Variants in ZNF529 observed in about 807,000 individuals in gnomAD.
The protein encoded by ZNF529 is zinc finger protein 529.
Under a neutral mutation model 10.1 loss-of-function variants are expected in ZNF529, and 11 were observed. The observed-to-expected ratio is 1.09, with a 90% CI of 0.69 to 1.81. The LOEUF (loss-of-function observed/expected upper bound fraction) is 1.81. Ranked by LOEUF, ZNF529 falls within the 40% of genes most tolerant of loss-of-function variation. The probability of loss-of-function intolerance (pLI) is 0.00; values close to 1 mark genes in which losing one functional copy is unlikely to be tolerated. For missense variants in ZNF529, 624 were observed against 666.8 expected, an observed-to-expected ratio of 0.94 and a Z score of 0.71; for synonymous variants, 204 against 215.7, an observed-to-expected ratio of 0.95 and a Z score of 0.47.
intron 1 of ZNF529, among the ~76,000 whole-genome samples, chr19:36,597,112 T>G (rs1228220803): frequency 6.6e-6 from 1 of 152,158 alleles, no homozygotes; most frequent in Non-Finnish European, 1.5e-5. Flanking sequence ...GCTCAGGCAA[T>G]GCTCCCATCT....
chr19:36,561,419 ATTGCCC>A (rs746400434), intron 2 of ZNF529, among the ~76,000 whole-genome samples: 72 of 144,752 alleles, frequency 5.0e-4, no homozygotes, highest in Non-Finnish European at 8.2e-4. Context: ...CTCTCACTGT[ATTGCCC>A]AAGCTGGAGT....
At chr19:36,549,283 C>T (rs2035173034) in intron 4 of ZNF529, among the ~76,000 whole-genome samples, 1 of 152,182 alleles carries the variant, frequency 6.6e-6, no homozygotes, top group South Asian at 2.1e-4. Context: ...TTCTCTTACA[C>T]CATTTACTTC....
At chr19:36,548,550 G>C (rs1223506064) in intron 4 of ZNF529, among the ~76,000 whole-genome samples, 1 of 152,196 alleles carries the variant, frequency 6.6e-6, no homozygotes, top group African/African-American at 2.4e-5. Context: ...TCATCACCTG[G>C]TAAGCTCATT....
At chr19:36,592,799 C>T (rs1436667047) in intron 1 of ZNF529, among the ~76,000 whole-genome samples, 1 of 152,032 alleles carries the variant, frequency 6.6e-6, no homozygotes, top group Non-Finnish European at 1.5e-5. Context: ...GCATTGTTTT[C>T]TGCTTAACAG....
intron 1 of ZNF529, among the ~76,000 whole-genome samples, chr19:36,600,939 G>T (rs1044800962): frequency 2.6e-5 from 4 of 152,130 alleles, no homozygotes; most frequent in African/African-American, 7.2e-5. Flanking sequence ...TAGGCTACAA[G>T]CAGGGTTTGG....
intron 2 of ZNF529, among the ~76,000 whole-genome samples, chr19:36,561,294 G>A (rs903770258): frequency 6.6e-6 from 1 of 152,184 alleles, no homozygotes; most frequent in African/African-American, 2.4e-5. Context: ...GGAGGGCAAA[G>A]TGGTGAACCT....
At chr19:36,563,566 C>A (rs1028288588) in intron 2 of ZNF529, among the ~76,000 whole-genome samples, 2 of 152,066 alleles carry the variant, frequency 1.3e-5, no homozygotes, top group African/African-American at 4.8e-5. Flanking sequence ...GAATAACATA[C>A]CTAAGAATAC....
chr19:36,585,775 T>G lies in ZNF529; in HGVS notation c.-41+3840A>C, dbSNP rs189152982. Among the ~76,000 whole-genome samples the G allele has an allele frequency of 4.2e-3, 646 of 152,318 alleles. 4 individuals carry two copies. The highest frequency in any genetic ancestry group is 0.015 in the African/African-American group (631 of 41,568). ...ATTGGGAGGCTGGATTTTGGTGGGA[T>G]GGAAGATAATGAGGGGACTCTGGTT... On this transcript the variant is annotated intron_variant, in intron 2 of 4. Transcript: ENST00000585960.
chr19:36,550,358 C>T (rs1424793281), intron 4 of ZNF529, among the ~76,000 whole-genome samples: 1 of 152,280 alleles, frequency 6.6e-6, no homozygotes, highest in South Asian at 2.1e-4. Context: ...GCCTGGCCAA[C>T]ATGGCGAAAC....
Position 36,547,930 on chromosome 19 carries a change from T to C in ZNF529, c.628A>G (p.Ile210Val). Reference sequence around the variant, plus strand: ...AGTTGTAACATACTGGAGTTATCTATCCCAAAGGTTTTCCAACATTGATTA... The same window carrying C: ...AGTTGTAACATACTGGAGTTATCTACCCCAAAGGTTTTCCAACATTGATTA... ...ECNQCWKTFG[I>V]DNSSMLQLNI... The change falls in exon 5 of 5, where the codon ATA (isoleucine) becomes GTA (valine). Residue 210 changes from isoleucine to valine, a missense_variant. Ile to Val is a conservative substitution (Grantham distance 29, BLOSUM62 3). Coordinates refer to ENST00000591340, the MANE Select transcript of ZNF529 (RefSeq NM_020951.5). 2.5e-6 allele frequency: 4 copies of C among 1,612,666 alleles called. No homozygotes were observed. The highest frequency in any genetic ancestry group is 3.4e-6 in the Non-Finnish European group (4 of 1,179,450).
At chr19:36,572,448 A>C in intron 1 of ZNF529, 56 bp from the exon 2 acceptor site, 1 of 1,382,556 alleles carries the variant, frequency 7.2e-7, no homozygotes, top group East Asian at 2.5e-5. Flanking sequence ...TTAAATAAGA[A>C]CACAGTGTTC....
intron 2 of ZNF529, among the ~76,000 whole-genome samples, chr19:36,566,154 C>T (rs1399714276): frequency 6.6e-6 from 1 of 152,140 alleles, no homozygotes; most frequent in African/African-American, 2.4e-5. Flanking sequence ...TAATGTGATC[C>T]TTTCACTAGT....
intron 1 of ZNF529, among the ~76,000 whole-genome samples, chr19:36,604,157 G>A (rs1475992068): frequency 6.6e-6 from 1 of 152,140 alleles, no homozygotes; most frequent in South Asian, 2.1e-4. Context: ...TCCAGCCTGG[G>A]CAACAAGAGC....
At chr19:36,577,427 CTATTCTAG>C (rs2036352073), upstream of ZNF529, 1 of 234,152 alleles carries the variant, frequency 4.3e-6, no homozygotes, top group South Asian at 4.2e-5. Context: ...TTATACAGCT[CTATTCTAG>C]TGGTCACCAG....
At chr19:36,580,264 T>G (rs962929399) in intron 2 of ZNF529, 23 of 14,990 alleles carry the variant, frequency 1.5e-3, no homozygotes, top group African/African-American at 0.013. Context: ...TACAGTTACT[T>G]TTTTTTTTTA....
chr19:36,554,722 CCT>C lies in ZNF529; in HGVS notation c.181_182del (p.Arg61GlufsTer24). ...EEWEYLDSAQ[R>X]NLYWDVMMEN... ...CCATCATCACATCCCAGTACAAGTT[CCT>C]CTGAGCAGAATCCAGATATTCCCAT... On this transcript the variant is annotated frameshift_variant, in exon 4 of 5. Coordinates refer to ENST00000591340, the MANE Select transcript of ZNF529 (RefSeq NM_020951.5). LOFTEE classifies it high-confidence loss of function. The C allele has an allele frequency of 3.8e-6, 6 of 1,577,250 alleles. No individual in the cohort carries two copies. The highest frequency in any genetic ancestry group is 5.2e-6 in the Non-Finnish European group (6 of 1,160,462).
chr19:36,599,911 C>CA (rs1174397838), intron 1 of ZNF529, among the ~76,000 whole-genome samples: 1 of 151,682 alleles, frequency 6.6e-6, no homozygotes, highest in Non-Finnish European at 1.5e-5. Context: ...CTCTGTTGCC[C>CA]AGGCTGGAAT....
In ZNF529 at chr19:36,572,099, A is replaced by T. The variant is rs1416736963; in HGVS notation, c.14+234T>A. On this transcript the variant is annotated intron_variant, in intron 2 of 4. Transcript: ENST00000591340. Reference sequence around the variant, plus strand: ...CTTAACAAATTACATTCTAAAAAAAAGTTTTAACTTCTCCTCCAGGAGTTG... The same window carrying T: ...CTTAACAAATTACATTCTAAAAAAATGTTTTAACTTCTCCTCCAGGAGTTG... Among the ~76,000 whole-genome samples, 7 of 150,128 alleles carry T rather than the reference A, an allele frequency of 4.7e-5. No individual in the cohort carries two copies. The East Asian group carries it at 1.4e-3, about 29-fold the overall frequency.
At chr19:36,585,767 T>G (rs981406607) in intron 2 of ZNF529, among the ~76,000 whole-genome samples, 3 of 152,206 alleles carry the variant, frequency 2.0e-5, no homozygotes, top group African/African-American at 7.2e-5. Context: ...GGCTGGATTT[T>G]GGTGGGATGG....
Sources: allele counts gnomAD v4.1 joint callset (sites outside exome capture counted in the v4.1 genomes callset), GRCh38; gene constraint gnomAD v4.1.1; transcripts MANE v1.5; gene names NCBI Gene and HGNC (gene_info 2026-07-23, HGNC 2026-07-21).